The following SP110 variants were observed in gnomAD, a reference collection of about 807,000 sequenced individuals.
SP110 encodes interferon-induced protein 41, 30kD.
SP110 carries 62 observed loss-of-function variants against 92.7 expected under a neutral mutation model. The ratio of observed to expected loss-of-function variants is 0.67; its 90% confidence interval spans 0.55 to 0.83. The LOEUF (loss-of-function observed/expected upper bound fraction) is 0.83, where lower values mean the gene tolerates loss of function less well. Among genes scored for constraint, SP110 ranks in the 40% least tolerant of loss-of-function variants. The pLI, the probability that SP110 is intolerant of heterozygous loss-of-function variation, is 0.00. For synonymous variants in SP110, 273 were observed against 305.3 expected (o/e 0.89, Z 1.10); for missense variants, 793 against 863.9 (o/e 0.92, Z 1.03).
intron 7 of SP110, 92 bp downstream of exon 7, chr2:230,209,839 A>T: frequency 2.5e-6 from 2 of 810,478 alleles, no homozygotes. Context: ...CTGTGGTCAC[A>T]TAGTGGTGCT....
At chr2:230,176,496 T>G in intron 14 of SP110, 1 of 1,507,466 alleles carries the variant, frequency 6.6e-7, no homozygotes, top group Non-Finnish European at 8.8e-7. Context: ...TTAATTTTTA[T>G]TTTAGAGTCA....
In SP110 at chr2:230,168,931, T is replaced by A. The variant is rs1362767756; in HGVS notation, c.*193A>T. 5 of 537,034 alleles carry A rather than the reference T, an allele frequency of 9.3e-6. No individual in the cohort carries two copies. The East Asian group carries it at 1.6e-4, about 17-fold the overall frequency. 33.3% of individuals were successfully genotyped at this position (537,034 alleles called of 1,614,324 possible). A position where few individuals can be genotyped will look rare whatever the true frequency, so the allele number is the denominator to read the frequency against. ...AGGAAGTATTAATTTTTTTTTTTTT[T>A]AGTGTAGATATAGACTTTTAAAGGT... On this transcript the variant is annotated 3_prime_UTR_variant, in exon 19 of 19. Coordinates refer to ENST00000258381, the MANE Select transcript of SP110 (RefSeq NM_080424.4).
intron 8 of SP110, among the ~76,000 whole-genome samples, chr2:230,206,457 C>A (rs1327388035): frequency 6.6e-6 from 1 of 151,550 alleles, no homozygotes; most frequent in Non-Finnish European, 1.5e-5. Context: ...GATTCCTCTT[C>A]CACTGGGATT....
intron 8 of SP110, chr2:230,203,037 G>A (rs867292745): frequency 2.0e-5 from 8 of 406,728 alleles, no homozygotes; most frequent in Non-Finnish European, 2.8e-5. Context: ...TGCACCACGA[G>A]GTGGCCACAC....
At chr2:230,171,377 C>T in intron 17 of SP110, 1 of 388,380 alleles carries the variant, frequency 2.6e-6, no homozygotes, top group Non-Finnish European at 4.9e-6. Flanking sequence ...CAGGCGTGAG[C>T]CGCTGAGCCC....
intron 1 of SP110, among the ~76,000 whole-genome samples, chr2:230,217,196 A>G (rs2045298231): frequency 7.2e-6 from 1 of 139,298 alleles, no homozygotes; most frequent in Non-Finnish European, 1.5e-5. Context: ...CAGTAAGCCA[A>G]GATTGTGCCA....
intron 13 of SP110, 67 bp downstream of exon 13, chr2:230,178,090 T>C (rs1245639993): frequency 1.1e-6 from 1 of 933,422 alleles, no homozygotes; most frequent in Non-Finnish European, 1.7e-6. Flanking sequence ...CACACACGGG[T>C]ATTTTCCTCC....
chr2:230,179,998 C>G (rs932746751), intron 12 of SP110, among the ~76,000 whole-genome samples: 2 of 152,178 alleles, frequency 1.3e-5, no homozygotes, highest in Non-Finnish European at 1.5e-5. Context: ...TCAGCCTCAC[C>G]TACTCATCTT....
chr2:230,206,873 A>G (rs140103694), intron 8 of SP110, among the ~76,000 whole-genome samples: 14 of 151,948 alleles, frequency 9.2e-5, no homozygotes, highest in African/African-American at 3.4e-4. Flanking sequence ...GGAGAATAGA[A>G]CCTCTCTTAT....
At chr2:230,206,598 TATATA>T (rs2043855081) in intron 8 of SP110, among the ~76,000 whole-genome samples, 6 of 31,310 alleles carry the variant, frequency 1.9e-4, no homozygotes, top group Non-Finnish European at 1.7e-4. Flanking sequence ...CCAGATTTTA[TATATA>T]TATATATATA....
chr2:230,167,953 T>A lies in SP110; in HGVS notation c.*1171A>T, dbSNP rs2078335354. ...ACAACTCAGGAGGCAAATTGAGGAG[T>A]TTCTCACTAAAAGTGGGGAACTTGC... On this transcript the variant is annotated 3_prime_UTR_variant, in exon 19 of 19. Coordinates refer to ENST00000258381, the MANE Select transcript of SP110 (RefSeq NM_080424.4). 1 of 151,154 alleles carries A rather than the reference T, an allele frequency of 6.6e-6. No individual in the cohort carries two copies. The allele number at this position is 151,154 out of a possible 1,614,324, so 9.4% of individuals were successfully genotyped here. A position where few individuals can be genotyped will look rare whatever the true frequency, so the allele number is the denominator to read the frequency against.
At chr2:230,208,437 G>A (rs565232231) in intron 7 of SP110, among the ~76,000 whole-genome samples, 7 of 152,260 alleles carry the variant, frequency 4.6e-5, no homozygotes, top group African/African-American at 1.7e-4. Flanking sequence ...GAGAGAGAAG[G>A]GATCATGGAT....
rs2078295132 is a variant in SP110 at position 230,165,250 on chromosome 2, AC to A, written c.*3873del. Reference sequence around the variant, plus strand: ...TATTAATTTATGAAAACAATAGAACACATTCTAAGATATGGTGAATCAGAAA... The same window carrying A: ...TATTAATTTATGAAAACAATAGAACAATTCTAAGATATGGTGAATCAGAAA... On this transcript the variant is annotated 3_prime_UTR_variant, in exon 19 of 19. Coordinates refer to ENST00000258381, the MANE Select transcript of SP110 (RefSeq NM_080424.4). 6.6e-6 allele frequency among the ~76,000 whole-genome samples: 1 copy of A among 152,256 alleles called. No homozygotes were observed. Among genetic ancestry groups the A allele is most frequent in the Non-Finnish European group, 1.5e-5 (1 of 68,046 alleles).
intron 10 of SP110, among the ~76,000 whole-genome samples, chr2:230,188,403 G>T (rs1307497536): frequency 1.3e-5 from 2 of 152,038 alleles, no homozygotes; most frequent in Non-Finnish European, 2.9e-5. Flanking sequence ...AGTCTTTAGG[G>T]TTTTCTAGGT....
At chr2:230,223,322 A>G (rs1485074122), upstream of SP110, among the ~76,000 whole-genome samples, 2 of 152,224 alleles carry the variant, frequency 1.3e-5, no homozygotes, top group Non-Finnish European at 2.9e-5. Flanking sequence ...GGCATGAGCC[A>G]CCATGCCCAG....
rs1245672337 is a variant in SP110 at position 230,168,012 on chromosome 2, G to A, written c.*1112C>T. ...GTAATCCCAGCTACTCGGAGGCTGA[G>A]GCAGGAGAATCGCTTGCACCCAGGA... On this transcript the variant is annotated 3_prime_UTR_variant, in exon 19 of 19. Transcript: ENST00000258381. 6.8e-6 allele frequency: 1 copy of A among 148,076 alleles called. No homozygotes were observed. The highest frequency in any genetic ancestry group is 2.0e-4 in the East Asian group (1 of 5,060). 9.2% of individuals were successfully genotyped at this position (148,076 alleles called of 1,614,324 possible).
intron 12 of SP110, 45 bp from the exon 13 acceptor site, chr2:230,178,300 C>T (rs769945571): frequency 4.4e-6 from 5 of 1,129,078 alleles, no homozygotes; most frequent in Non-Finnish European, 2.7e-6. Context: ...GTCTTCACTC[C>T]ATCTTCCTTT....
At chr2:230,201,043 G>T in intron 9 of SP110, 78 bp from the exon 10 acceptor site, 2 of 1,121,112 alleles carry the variant, frequency 1.8e-6, no homozygotes, top group Non-Finnish European at 2.7e-6. Context: ...GAAGGCCCTT[G>T]CACACTCTGA....
At chr2:230,208,687 T>G (rs187509483) in intron 7 of SP110, among the ~76,000 whole-genome samples, 25 of 152,290 alleles carry the variant, frequency 1.6e-4, no homozygotes, top group African/African-American at 5.8e-4. Context: ...AGTAGCATTG[T>G]CACACAGTAA....
Sources: allele counts gnomAD v4.1 joint callset (sites outside exome capture counted in the v4.1 genomes callset), GRCh38; gene constraint gnomAD v4.1.1; transcripts MANE v1.5; gene names NCBI Gene and HGNC (gene_info 2026-07-23, HGNC 2026-07-21).